Variants in DNAJC6 observed in about 807,000 individuals in gnomAD.
The protein encoded by DNAJC6 is auxilin.
Under a neutral mutation model 110.0 loss-of-function variants are expected in DNAJC6, and 34 were observed. The observed-to-expected ratio is 0.31, with a 90% CI of 0.24 to 0.41. The LOEUF (loss-of-function observed/expected upper bound fraction) is 0.41, where lower values mean the gene tolerates loss of function less well. DNAJC6 is among the 10% of genes least tolerant of loss of function. The pLI, the probability that DNAJC6 is intolerant of heterozygous loss-of-function variation, is 1.00. For missense variants in DNAJC6, 1,031 were observed against 1,207.8 expected, an observed-to-expected ratio of 0.85 and a Z score of 2.17; for synonymous variants, 406 against 437.2, an observed-to-expected ratio of 0.93 and a Z score of 0.89.
intron 1 of DNAJC6, among the ~76,000 whole-genome samples, chr1:65,335,559 A>G (rs1336984706): frequency 6.6e-6 from 1 of 152,192 alleles, no homozygotes; most frequent in Non-Finnish European, 1.5e-5. Flanking sequence ...CTGAAAAAGA[A>G]ACATTTAAGG....
At chr1:65,365,765 G>C in intron 2 of DNAJC6, 120 bp from the exon 3 acceptor site, 1 of 1,053,288 alleles carries the variant, frequency 9.5e-7, no homozygotes, top group Non-Finnish European at 1.4e-6. Context: ...GGCTGGAGGG[G>C]AGTCGAAACA....
In DNAJC6 at chr1:65,415,358, T is replaced by A. The variant is rs566366018; in HGVS notation, c.*2333T>A. The A allele has an allele frequency of 6.6e-6, 1 of 152,102 alleles. No individual in the cohort carries two copies. Among genetic ancestry groups the A allele is most frequent in the East Asian group, 1.9e-4 (1 of 5,184 alleles). The allele number at this position is 152,102 out of a possible 1,614,324, so 9.4% of individuals were successfully genotyped here. A position where few individuals can be genotyped will look rare whatever the true frequency, so the allele number is the denominator to read the frequency against. ...GCCACCTTCTGACATGATTTACTTT[T>A]AAGGAAAGTTATGAGGAGAGAATAC... On this transcript the variant is annotated 3_prime_UTR_variant, in exon 19 of 19. Transcript: ENST00000371069.
At chr1:65,410,431 T>C (rs756311571) in intron 17 of DNAJC6, among the ~76,000 whole-genome samples, 4 of 152,222 alleles carry the variant, frequency 2.6e-5, no homozygotes, top group South Asian at 2.1e-4. Context: ...TCAATAACCG[T>C]TGTTCATTAG....
intron 4 of DNAJC6, among the ~76,000 whole-genome samples, chr1:65,376,895 G>A (rs1301940565): frequency 1.3e-5 from 2 of 152,096 alleles, no homozygotes; most frequent in African/African-American, 2.4e-5. Flanking sequence ...TCAGCCTCCT[G>A]AGTAGCTGGG....
chr1:65,395,784 G>A (rs991810417), intron 13 of DNAJC6, among the ~76,000 whole-genome samples: 2 of 152,286 alleles, frequency 1.3e-5, no homozygotes, highest in Non-Finnish European at 2.9e-5. Context: ...ATATTTCTAT[G>A]TTAGAGACTT....
At chr1:65,406,564 G>T (rs768861358) in intron 16 of DNAJC6, among the ~76,000 whole-genome samples, 1 of 152,146 alleles carries the variant, frequency 6.6e-6, no homozygotes, top group Non-Finnish European at 1.5e-5. Context: ...AAAAGTTGGG[G>T]AATCTTTCAA....
chr1:65,397,741 T>A (rs979831370), intron 13 of DNAJC6, among the ~76,000 whole-genome samples: 1 of 152,144 alleles, frequency 6.6e-6, no homozygotes, highest in African/African-American at 2.4e-5. Flanking sequence ...GTGGAATGGG[T>A]TACTGTGTAA....
Position 65,385,814 on chromosome 1 carries a change from CAACA to C in DNAJC6, c.908_911del (p.Lys303ArgfsTer28). ...TCACTGTCAGTCCAATACCCTTTTTCAACAAACAGAGGAATGGATGTCGCCCTTA... is the reference window on the plus strand; with the variant it reads ...TCACTGTCAGTCCAATACCCTTTTTCAACAGAGGAATGGATGTCGCCCTTA... On this transcript the variant is annotated frameshift_variant, in exon 7 of 19. Coordinates refer to ENST00000371069, the MANE Select transcript of DNAJC6 (RefSeq NM_001256864.2). LOFTEE classifies it high-confidence loss of function. 6.2e-7 allele frequency: 1 copy of C among 1,614,138 alleles called. No individual in the cohort carries two copies. Among genetic ancestry groups the C allele is most frequent in the Non-Finnish European group, 8.5e-7 (1 of 1,180,004 alleles).
intron 1 of DNAJC6, among the ~76,000 whole-genome samples, chr1:65,311,646 A>G (rs961218458): frequency 6.6e-6 from 1 of 152,216 alleles, no homozygotes; most frequent in African/African-American, 2.4e-5. Flanking sequence ...AAAAAGATTC[A>G]TGTTCTCTGA....
chr1:65,316,932 T>A (rs1275468023), intron 1 of DNAJC6, among the ~76,000 whole-genome samples: 2 of 152,188 alleles, frequency 1.3e-5, no homozygotes, highest in East Asian at 3.9e-4. Context: ...TCACTTTTTT[T>A]TTTTTAGCCA....
intron 1 of DNAJC6, chr1:65,279,174 A>C (rs1020832428): frequency 5.1e-6 from 5 of 985,172 alleles, no homozygotes; most frequent in African/African-American, 1.7e-5. Flanking sequence ...TGTGTGGTTT[A>C]AATTTAGAAT....
chr1:65,403,619 G>A (rs969401105), intron 15 of DNAJC6, among the ~76,000 whole-genome samples: 1 of 152,186 alleles, frequency 6.6e-6, no homozygotes, highest in South Asian at 2.1e-4. Context: ...ACAAGATGGA[G>A]CATTTTTTAA....
chr1:65,306,230 G>C (rs1645036470), upstream of DNAJC6, among the ~76,000 whole-genome samples: 1 of 151,936 alleles, frequency 6.6e-6, no homozygotes, highest in Non-Finnish European at 1.5e-5. Flanking sequence ...TGGATTTTTA[G>C]TAGATACAGG....
In DNAJC6 at chr1:65,309,776, A is replaced by G; in HGVS notation, c.31A>G (p.Thr11Ala). 1 of 1,548,536 alleles carries G rather than the reference A, an allele frequency of 6.5e-7. No individual in the cohort carries two copies. The highest frequency in any genetic ancestry group is 8.7e-7 in the Non-Finnish European group (1 of 1,146,156). The change falls in exon 1 of 19, where the codon ACC (threonine) becomes GCC (alanine). Residue 11 changes from threonine (T) to alanine (A), a missense_variant. Thr to Ala is a moderately conservative substitution (Grantham distance 58, BLOSUM62 0). Transcript: ENST00000371069. MSLLGSYRKKTSNDGYESLQL... is the reference protein window; with the variant it reads MSLLGSYRKKASNDGYESLQL... ...CCTCCTCGGGAGCTACCGGAAAAAG[A>G]CCAGCAACGATGGTTATGAATCTTT...
intron 1 of DNAJC6, among the ~76,000 whole-genome samples, chr1:65,349,504 C>T (rs1052608700): frequency 1.3e-5 from 2 of 152,052 alleles, no homozygotes; most frequent in Non-Finnish European, 2.9e-5. Context: ...TCTTATAATG[C>T]AGGTCAATTA....
chr1:65,385,436 G>T (rs1476170773), intron 6 of DNAJC6, among the ~76,000 whole-genome samples: 1 of 152,208 alleles, frequency 6.6e-6, no homozygotes, highest in East Asian at 1.9e-4. Context: ...AATAGGAATA[G>T]ATGTTCAAAT....
At chr1:65,376,780 A>T (rs987892048) in intron 4 of DNAJC6, among the ~76,000 whole-genome samples, 2 of 151,584 alleles carry the variant, frequency 1.3e-5, no homozygotes, top group Non-Finnish European at 1.5e-5. Context: ...TTATTTATTT[A>T]TTTTTTTGAG....
At chr1:65,375,511 C>T (rs765513390) in intron 4 of DNAJC6, among the ~76,000 whole-genome samples, 4 of 151,840 alleles carry the variant, frequency 2.6e-5, no homozygotes, top group Admixed American at 6.6e-5. Context: ...CTGCAAGCTC[C>T]GCCTCATGGG....
At chr1:65,352,652 C>T (rs1481009211) in intron 1 of DNAJC6, among the ~76,000 whole-genome samples, 2 of 152,166 alleles carry the variant, frequency 1.3e-5, no homozygotes, top group African/African-American at 4.8e-5. Flanking sequence ...TATACCCTTA[C>T]CTTGATCTTG....
Sources: gnomAD v4.1 joint callset for allele counts (sites outside exome capture counted in the v4.1 genomes callset) on GRCh38, gnomAD v4.1.1 for gene constraint, MANE v1.5 for transcripts, NCBI Gene and HGNC (gene_info 2026-07-23, HGNC 2026-07-21) for gene names.